The following WLS variants were observed in gnomAD, a reference collection of about 807,000 sequenced individuals.
WLS encodes the protein Wnt ligand secretion mediator, also known as protein wntless homolog.
WLS carries 23 observed loss-of-function variants against 62.8 expected under a neutral mutation model. That is an observed-to-expected ratio of 0.37 (90% confidence interval 0.26 to 0.52). WLS has a LOEUF of 0.52. Ranked by LOEUF, WLS falls within the 20% of genes least tolerant of loss-of-function variation. The probability of loss-of-function intolerance (pLI) is 0.92; values close to 1 mark genes in which losing one functional copy is unlikely to be tolerated. For missense variants in WLS, 615 were observed against 697.3 expected (o/e 0.88, Z 1.33); for synonymous variants, 246 against 244.1 (o/e 1.01, Z -0.07).
chr1:68,124,591 A>C (rs182630684), downstream of WLS, among the ~76,000 whole-genome samples: 548 of 152,272 alleles, frequency 3.6e-3, 8 homozygotes, highest in African/African-American at 0.013. Flanking sequence ...ACTGGGAGGC[A>C]CGGCTCCCTT....
intron 3 of WLS, among the ~76,000 whole-genome samples, chr1:68,155,821 G>A (rs986796469): frequency 5.3e-5 from 8 of 152,104 alleles, no homozygotes; most frequent in South Asian, 2.1e-4. Flanking sequence ...ACAAGGAGCC[G>A]TTGGTATTTA....
intron 1 of WLS, among the ~76,000 whole-genome samples, chr1:68,215,943 C>T (rs771575838): frequency 5.3e-5 from 8 of 152,026 alleles, no homozygotes; most frequent in Admixed American, 2.0e-4. Flanking sequence ...AGATTCCACC[C>T]GGGGAAAGAG....
At chr1:68,110,200 A>C (rs1369944993) in intron 11 of WLS, among the ~76,000 whole-genome samples, 2 of 151,848 alleles carry the variant, frequency 1.3e-5, no homozygotes, top group African/African-American at 4.8e-5. Flanking sequence ...GGCAAAATTA[A>C]ATTTTAAAAA....
intron 1 of WLS, among the ~76,000 whole-genome samples, chr1:68,201,750 C>A (rs1649029863): frequency 6.6e-6 from 1 of 152,124 alleles, no homozygotes. Flanking sequence ...TGAACCACTA[C>A]CACCAAAACA....
chr1:68,178,663 G>C (rs565721955), intron 2 of WLS, among the ~76,000 whole-genome samples: 315 of 145,980 alleles, frequency 2.2e-3, no homozygotes, highest in African/African-American at 7.9e-3. Flanking sequence ...CCAAGATCAC[G>C]CCACTGCACT....
At chr1:68,216,944 C>T (rs1039424763) in intron 1 of WLS, among the ~76,000 whole-genome samples, 3 of 152,112 alleles carry the variant, frequency 2.0e-5, no homozygotes, top group South Asian at 2.1e-4. Context: ...TAGGGCTGTG[C>T]GTTTATACCA....
At chr1:68,225,386 CGG>C (rs1557530907) in intron 1 of WLS, among the ~76,000 whole-genome samples, 1 of 152,130 alleles carries the variant, frequency 6.6e-6, no homozygotes, top group Non-Finnish European at 1.5e-5. Context: ...CATCCCCATA[CGG>C]GCACTTTCTC....
At chr1:68,203,889 A>T (rs924622445) in intron 1 of WLS, among the ~76,000 whole-genome samples, 4 of 152,228 alleles carry the variant, frequency 2.6e-5, no homozygotes, top group African/African-American at 9.6e-5. Flanking sequence ...TGGATAGATA[A>T]GAGCAAGAGC....
At chr1:68,223,718 G>A (rs1650029694) in intron 1 of WLS, among the ~76,000 whole-genome samples, 1 of 152,122 alleles carries the variant, frequency 6.6e-6, no homozygotes, top group Non-Finnish European at 1.5e-5. Flanking sequence ...AGGAAGGAGG[G>A]CTCTGTTTCA....
intron 11 of WLS, among the ~76,000 whole-genome samples, chr1:68,110,267 G>C (rs961524102): frequency 2.0e-5 from 3 of 151,674 alleles, no homozygotes; most frequent in Non-Finnish European, 4.4e-5. Context: ...AGTGCCAAAA[G>C]AGATAGCAAG....
At chr1:68,200,689 G>T (rs1376458241) in intron 1 of WLS, among the ~76,000 whole-genome samples, 1 of 151,810 alleles carries the variant, frequency 6.6e-6, no homozygotes, top group Non-Finnish European at 1.5e-5. Context: ...CCTGATCTAT[G>T]AAGTTGAATG....
In WLS at chr1:68,193,940, G is replaced by C; in HGVS notation, c.379+15C>G. On this transcript the variant is annotated intron_variant, in intron 2 of 11. Transcript: ENST00000262348. Reference sequence around the variant, plus strand: ...CTCAAAGGGAAGAAAGGGATGAGAGGAGAGTACACTTAACTGATTTGGTTG... The same window carrying C: ...CTCAAAGGGAAGAAAGGGATGAGAGCAGAGTACACTTAACTGATTTGGTTG... The C allele has an allele frequency of 2.5e-6, 4 of 1,608,972 alleles. No individual in the cohort carries two copies. The highest frequency in any genetic ancestry group is 3.4e-6 in the Non-Finnish European group (4 of 1,176,576).
chr1:68,115,097 C>T (rs372632836), intron 11 of WLS, among the ~76,000 whole-genome samples: 1 of 152,194 alleles, frequency 6.6e-6, no homozygotes, highest in East Asian at 1.9e-4. Context: ...TAATGATACA[C>T]CCCCCACCAC....
chr1:68,229,839 A>ACAGT (rs1650330156), intron 1 of WLS, among the ~76,000 whole-genome samples: 1 of 152,198 alleles, frequency 6.6e-6, no homozygotes, highest in Non-Finnish European at 1.5e-5. Flanking sequence ...CAGTAAACTT[A>ACAGT]TACAGTTTCC....
chr1:68,112,438 G>A (rs1646239882), intron 11 of WLS, among the ~76,000 whole-genome samples: 1 of 152,148 alleles, frequency 6.6e-6, no homozygotes, highest in Non-Finnish European at 1.5e-5. Flanking sequence ...CAGGTGTCCA[G>A]CCTCCACGGC....
intron 11 of WLS, among the ~76,000 whole-genome samples, chr1:68,110,053 A>G (rs1375609002): frequency 4.6e-5 from 7 of 150,890 alleles, no homozygotes; most frequent in South Asian, 2.1e-4. Flanking sequence ...AGAGGCATAA[A>G]TTAGTAGGAA....
intron 1 of WLS, among the ~76,000 whole-genome samples, chr1:68,198,582 A>T (rs2100617322): frequency 6.6e-6 from 1 of 152,340 alleles, no homozygotes; most frequent in Non-Finnish European, 1.5e-5. Flanking sequence ...TATGGCTCAC[A>T]GTATATTGTC....
At chr1:68,163,966 ACATGGCAG>A (rs1273664932) in intron 2 of WLS, among the ~76,000 whole-genome samples, 11 of 152,202 alleles carry the variant, frequency 7.2e-5, no homozygotes, top group African/African-American at 2.4e-4. Context: ...CTTAAAGCTG[ACATGGCAG>A]CATGGCAGAT....
rs1646807454 is a variant in WLS at position 68,150,183 on chromosome 1, C to T, written c.972+5G>A. On this transcript the variant is annotated splice_donor_5th_base_variant and intron_variant, in intron 6 of 11. Coordinates refer to ENST00000262348, the MANE Select transcript of WLS (RefSeq NM_024911.7). Reference sequence around the variant, plus strand: ...CAGACGTCTGTCCCTCCCGGCGGCTCTTACCATCATGTGCTCGCCACAGAA... The same window carrying T: ...CAGACGTCTGTCCCTCCCGGCGGCTTTTACCATCATGTGCTCGCCACAGAA... The T allele has an allele frequency of 6.2e-7, 1 of 1,613,804 alleles. No homozygotes were observed. Among genetic ancestry groups the T allele is most frequent in the African/African-American group, 1.3e-5 (1 of 74,932 alleles).
Sources: gnomAD v4.1 joint callset for allele counts (sites outside exome capture counted in the v4.1 genomes callset) on GRCh38, gnomAD v4.1.1 for gene constraint, MANE v1.5 for transcripts, NCBI Gene and HGNC (gene_info 2026-07-23, HGNC 2026-07-21) for gene names.